Variants in ADGRB3 observed in about 807,000 individuals in gnomAD.
ADGRB3 encodes the protein brain-specific angiogenesis inhibitor 3.
Under a neutral mutation model 193.4 loss-of-function variants are expected in ADGRB3, and 37 were observed. That is an observed-to-expected ratio of 0.19 (90% confidence interval 0.15 to 0.25). ADGRB3 has a LOEUF of 0.25. Among genes scored for constraint, ADGRB3 ranks in the 10% least tolerant of loss-of-function variants. The pLI is 1.00. For missense variants in ADGRB3, 1,637 were observed against 1,852.9 expected (o/e 0.88, Z 2.14); for synonymous variants, 690 against 644.2 (o/e 1.07, Z -1.08).
intron 24 of ADGRB3, among the ~76,000 whole-genome samples, chr6:69,337,227 A>G (rs997141630): frequency 6.6e-6 from 1 of 152,080 alleles, no homozygotes; most frequent in African/African-American, 2.4e-5. Flanking sequence ...AGACAACTGC[A>G]TCAGTGTTTG....
At chr6:69,019,775 G>A (rs1196245899) in intron 13 of ADGRB3, among the ~76,000 whole-genome samples, 1 of 151,944 alleles carries the variant, frequency 6.6e-6, no homozygotes, top group Admixed American at 6.6e-5. Context: ...GCTTGTGCCA[G>A]TTCAGTAATG....
intron 3 of ADGRB3, among the ~76,000 whole-genome samples, chr6:68,750,713 G>A (rs965228426): frequency 6.6e-6 from 1 of 152,142 alleles, no homozygotes; most frequent in African/African-American, 2.4e-5. Context: ...TGAGGGTGAG[G>A]TGGGGACAGT....
At chr6:69,235,556 A>G (rs1452975659) in intron 19 of ADGRB3, among the ~76,000 whole-genome samples, 2 of 152,216 alleles carry the variant, frequency 1.3e-5, no homozygotes, top group Admixed American at 1.3e-4. Flanking sequence ...TTTCAAACAC[A>G]TGCTTTCAGT....
At chr6:69,346,132 G>T (rs972527604) in intron 26 of ADGRB3, among the ~76,000 whole-genome samples, 42 of 152,174 alleles carry the variant, frequency 2.8e-4, no homozygotes, top group African/African-American at 8.7e-4. Flanking sequence ...CATGCTCATG[G>T]ATAGGAAGAA....
rs751392718 is a variant in ADGRB3, at chr6:68,930,616, A to T, written c.815A>T (p.Glu272Val). Residue 272 changes from glutamate to valine, a missense_variant, in exon 4 of 32, where the codon GAA (glutamate) becomes GTA (valine). Physicochemically the swap from Glu to Val is moderately radical, Grantham distance 121. Transcript: ENST00000370598. ...IKSQRPRSVH[E>V]KRVPQEQADA... ...AGTCAGCGACCTCGATCTGTTCATG[A>T]AAAAAGGGTCCCTCAGGAACAAGCT... 1 of 1,611,738 alleles carries T rather than the reference A, an allele frequency of 6.2e-7. No individual in the cohort carries two copies. Among genetic ancestry groups the T allele is most frequent in the Admixed American group, 1.7e-5 (1 of 59,764 alleles).
At chr6:69,047,604 T>C (rs1333546668) in intron 13 of ADGRB3, among the ~76,000 whole-genome samples, 1 of 151,978 alleles carries the variant, frequency 6.6e-6, no homozygotes, top group East Asian at 1.9e-4. Context: ...TTTCTACATA[T>C]TATTTTGGTT....
At chr6:68,791,730 G>C (rs1231419362) in intron 3 of ADGRB3, among the ~76,000 whole-genome samples, 1 of 152,164 alleles carries the variant, frequency 6.6e-6, no homozygotes, top group African/African-American at 2.4e-5. Flanking sequence ...TAATCCACAA[G>C]AGATGTTGAT....
chr6:68,910,889 G>C (rs1766685034), intron 3 of ADGRB3, among the ~76,000 whole-genome samples: 1 of 152,114 alleles, frequency 6.6e-6, no homozygotes, highest in East Asian at 1.9e-4. Context: ...GGCAATGTGG[G>C]CTCTTTTTTG....
intron 20 of ADGRB3, among the ~76,000 whole-genome samples, chr6:69,300,366 A>G (rs1276854104): frequency 6.6e-6 from 1 of 151,786 alleles, no homozygotes; most frequent in East Asian, 1.9e-4. Context: ...TATCATACTA[A>G]ACAAGGGAAA....
chr6:68,717,980 A>G (rs1028407622), intron 3 of ADGRB3, among the ~76,000 whole-genome samples: 4 of 151,798 alleles, frequency 2.6e-5, no homozygotes, highest in African/African-American at 9.7e-5. Flanking sequence ...GAAATAGGAT[A>G]GAATGGGGAG....
chr6:69,049,200 G>A (rs1771322885), intron 14 of ADGRB3, 71 bp from the exon 15 acceptor site: 2 of 1,101,246 alleles, frequency 1.8e-6, no homozygotes, highest in African/African-American at 1.6e-5. Flanking sequence ...CTTGTAATTA[G>A]CAGATTAAAG....
intron 17 of ADGRB3, among the ~76,000 whole-genome samples, chr6:69,186,786 G>A (rs975043567): frequency 2.6e-5 from 4 of 152,048 alleles, no homozygotes; most frequent in Non-Finnish European, 5.9e-5. Context: ...AATGCTCAAT[G>A]TGTGTCTGAA....
rs192998478 is a variant in ADGRB3, at chr6:68,877,886, T to A, written c.758-52673T>A. Among the ~76,000 whole-genome samples the A allele has an allele frequency of 3.7e-4, 56 of 152,156 alleles. 1 individual carries two copies. The highest frequency in any genetic ancestry group is 4.1e-4 in the South Asian group (2 of 4,824). ...TCACTCCTATCTTGTTTTCTTTTTT[T>A]AAAAAATGAGGTCAACCAATTTTGC... is the stretch of plus-strand genomic sequence containing the variant. On this transcript the variant is annotated intron_variant, in intron 3 of 31. Transcript: ENST00000370598.
chr6:69,093,175 G>A (rs768845991), intron 17 of ADGRB3, among the ~76,000 whole-genome samples: 7 of 151,902 alleles, frequency 4.6e-5, no homozygotes, highest in Admixed American at 2.6e-4. Flanking sequence ...AGGATGGGCA[G>A]CCTAGGTTCA....
chr6:69,373,890 C>T (rs906135544), intron 30 of ADGRB3, among the ~76,000 whole-genome samples: 1 of 152,050 alleles, frequency 6.6e-6, no homozygotes, highest in Admixed American at 6.6e-5. Context: ...ATCACAAACA[C>T]TGAAAAGAAA....
intron 3 of ADGRB3, among the ~76,000 whole-genome samples, chr6:68,764,315 C>A (rs1432131534): frequency 6.6e-6 from 1 of 152,086 alleles, no homozygotes; most frequent in African/African-American, 2.4e-5. Context: ...ACCATTGATA[C>A]ACAGGATACC....
At position 68,728,590 on chromosome 6, in the gene ADGRB3, G is replaced by A. The variant is rs1024761455; in HGVS notation, c.757+89158G>A. 7.3e-5 allele frequency among the ~76,000 whole-genome samples: 11 copies of A among 151,192 alleles called. No individual in the cohort carries two copies. In the East Asian group the frequency reaches 1.2e-3, roughly 16 times the overall value. ...ATTACACACACACAAACACACACAC[G>A]TAATATGTAGGCATGTGTGCGTATA... On this transcript the variant is annotated intron_variant, in intron 3 of 31. Coordinates refer to ENST00000370598, the MANE Select transcript of ADGRB3 (RefSeq NM_001704.3).
At chr6:68,776,807 A>G (rs150706217) in intron 3 of ADGRB3, among the ~76,000 whole-genome samples, 1 of 152,290 alleles carries the variant, frequency 6.6e-6, no homozygotes, top group Non-Finnish European at 1.5e-5. Context: ...TTCTAAAGCT[A>G]TTAATCTTCT....
intron 3 of ADGRB3, among the ~76,000 whole-genome samples, chr6:68,661,158 T>C (rs1057302263): frequency 6.7e-6 from 1 of 149,816 alleles, no homozygotes; most frequent in African/African-American, 2.4e-5. Flanking sequence ...GATTTATTTG[T>C]ATATTATATT....
Sources: allele counts gnomAD v4.1 joint callset (sites outside exome capture counted in the v4.1 genomes callset), GRCh38; gene constraint gnomAD v4.1.1; transcripts MANE v1.5; gene names NCBI Gene and HGNC (gene_info 2026-07-23, HGNC 2026-07-21).